Variants in TMEM132D observed in about 807,000 individuals in gnomAD.
TMEM132D encodes transmembrane protein 132D, also known as mature OL transmembrane protein.
Under a neutral mutation model 62.3 loss-of-function variants are expected in TMEM132D, and 21 were observed. The observed-to-expected ratio is 0.34, with a 90% CI of 0.24 to 0.49. TMEM132D has a LOEUF of 0.49. Among genes scored for constraint, TMEM132D ranks in the 20% least tolerant of loss-of-function variants. The pLI is 0.99. For missense variants in TMEM132D, 1,346 were observed against 1,402.8 expected (o/e 0.96, Z 0.65); for synonymous variants, 621 against 575.6 (o/e 1.08, Z -1.13).
intron 4 of TMEM132D, among the ~76,000 whole-genome samples, chr12:129,273,974 G>A (rs572914434): frequency 2.0e-5 from 3 of 151,736 alleles, no homozygotes; most frequent in African/African-American, 7.3e-5. Context: ...ATGTTTTTAT[G>A]TTGCTGCTTG....
chr12:129,232,829 AAGAGAGAG>A (rs138298025), intron 4 of TMEM132D, among the ~76,000 whole-genome samples: 3 of 149,748 alleles, frequency 2.0e-5, no homozygotes, highest in East Asian at 2.0e-4. Context: ...GAGAGAGATA[AAGAGAGAG>A]AGAGAGAGAG....
intron 3 of TMEM132D, among the ~76,000 whole-genome samples, chr12:129,523,838 G>A (rs1875929247): frequency 6.6e-6 from 1 of 152,156 alleles, no homozygotes; most frequent in African/African-American, 2.4e-5. Context: ...CAGGCCATAT[G>A]CTTGAATTAC....
intron 3 of TMEM132D, among the ~76,000 whole-genome samples, chr12:129,396,305 C>T (rs1871429222): frequency 6.6e-6 from 1 of 152,102 alleles, no homozygotes; most frequent in African/African-American, 2.4e-5. Flanking sequence ...TTAATTATCT[C>T]CCACATTTTA....
chr12:129,195,908 C>G (rs766904720), intron 5 of TMEM132D, among the ~76,000 whole-genome samples: 5 of 152,280 alleles, frequency 3.3e-5, no homozygotes, highest in African/African-American at 1.2e-4. Context: ...GGGCGGGTCA[C>G]TTGAGGTCAG....
At chr12:129,399,915 C>G (rs11060319) in intron 3 of TMEM132D, among the ~76,000 whole-genome samples, 35,557 of 151,440 alleles carry the variant, frequency 0.23, 4,509 homozygotes, top group South Asian at 0.41. Context: ...ATACATTTTT[C>G]ATATAATGAA....
chr12:129,095,349 T>TTTA (rs1875076003), intron 5 of TMEM132D, among the ~76,000 whole-genome samples: 1 of 140,928 alleles, frequency 7.1e-6, no homozygotes, highest in African/African-American at 2.6e-5. Context: ...CCTGCTGGTT[T>TTTA]TTTTTTTTTT....
chr12:129,424,059 C>T (rs1310418423), intron 3 of TMEM132D, among the ~76,000 whole-genome samples: 3 of 152,160 alleles, frequency 2.0e-5, no homozygotes, highest in Non-Finnish European at 4.4e-5. Flanking sequence ...ATAAGTACTA[C>T]ATTTTTTGAT....
chr12:129,760,460 T>C lies in TMEM132D; in HGVS notation c.80-59762A>G, dbSNP rs185199293. 5.4e-5 allele frequency among the ~76,000 whole-genome samples: 8 copies of C among 149,430 alleles called. No homozygotes were observed. The East Asian group carries it at 1.6e-3, about 29-fold the overall frequency. On this transcript the variant is annotated intron_variant, in intron 1 of 8. Coordinates refer to ENST00000422113, the MANE Select transcript of TMEM132D (RefSeq NM_133448.3). ...CACTCTCCTTCCTCAGCCTCCTGAG[T>C]AGCTGGGACTACAGGCCCCCGCCTC... is the stretch of plus-strand genomic sequence containing the variant.
intron 1 of TMEM132D, among the ~76,000 whole-genome samples, chr12:129,816,767 T>C (rs1467300557): frequency 1.3e-5 from 2 of 152,244 alleles, no homozygotes; most frequent in Non-Finnish European, 2.9e-5. Context: ...CCATAGCTTA[T>C]GTTTCTTCAC....
intron 3 of TMEM132D, among the ~76,000 whole-genome samples, chr12:129,434,997 CT>C (rs1437364397): frequency 2.0e-5 from 3 of 152,154 alleles, no homozygotes; most frequent in Non-Finnish European, 2.9e-5. Context: ...CTCTGGTAAC[CT>C]CTACTTTACT....
chr12:129,087,203 G>A (rs1296768813), intron 5 of TMEM132D, among the ~76,000 whole-genome samples: 2 of 152,030 alleles, frequency 1.3e-5, no homozygotes, highest in African/African-American at 2.4e-5. Flanking sequence ...TTTTCCCGAC[G>A]TATAAGCAAC....
chr12:129,813,631 T>TA (rs36010730), intron 1 of TMEM132D, among the ~76,000 whole-genome samples: 5 of 144,060 alleles, frequency 3.5e-5, no homozygotes, highest in Admixed American at 7.0e-5. Flanking sequence ...TATATATATA[T>TA]TTTCAGGACT....
intron 1 of TMEM132D, among the ~76,000 whole-genome samples, chr12:129,835,894 G>A (rs796571026): frequency 6.6e-6 from 1 of 152,300 alleles, no homozygotes; most frequent in African/African-American, 2.4e-5. Context: ...TCCCCACCAT[G>A]GGAAGGTGTG....
chr12:129,320,983 T>C (rs1270695053), intron 4 of TMEM132D, among the ~76,000 whole-genome samples: 2 of 152,200 alleles, frequency 1.3e-5, no homozygotes, highest in Non-Finnish European at 2.9e-5. Flanking sequence ...TCTACCTACC[T>C]ACCTACCTAC....
chr12:129,645,826 A>G (rs1879763994), intron 2 of TMEM132D, among the ~76,000 whole-genome samples: 1 of 152,196 alleles, frequency 6.6e-6, no homozygotes, highest in Admixed American at 6.5e-5. Flanking sequence ...ATGCATTAGC[A>G]TGCTAAAAGA....
chr12:129,822,462 A>G (rs933139442), intron 1 of TMEM132D, among the ~76,000 whole-genome samples: 2 of 152,190 alleles, frequency 1.3e-5, no homozygotes, highest in Admixed American at 6.5e-5. Flanking sequence ...CACAGGACGC[A>G]CTTAACTTCT....
chr12:129,141,933 A>G (rs1876751233), intron 5 of TMEM132D, among the ~76,000 whole-genome samples: 1 of 150,360 alleles, frequency 6.7e-6, no homozygotes, highest in Non-Finnish European at 1.5e-5. Flanking sequence ...AGTTAAAATT[A>G]CTAAAAAAAC....
chr12:129,847,932 A>G (rs1873415921), intron 1 of TMEM132D, among the ~76,000 whole-genome samples: 1 of 152,078 alleles, frequency 6.6e-6, no homozygotes, highest in African/African-American at 2.4e-5. Flanking sequence ...ACCTGCCCGC[A>G]GTAGTGTTAG....
chr12:129,626,997 C>T (rs1000674091), intron 2 of TMEM132D, among the ~76,000 whole-genome samples: 4 of 151,946 alleles, frequency 2.6e-5, no homozygotes, highest in South Asian at 2.1e-4. Context: ...AAAAGGAGGA[C>T]GATATGCAAT....
Sources: gnomAD v4.1 joint callset for allele counts (sites outside exome capture counted in the v4.1 genomes callset) on GRCh38, gnomAD v4.1.1 for gene constraint, MANE v1.5 for transcripts, NCBI Gene and HGNC (gene_info 2026-07-23, HGNC 2026-07-21) for gene names.